Variants in NBPF14 observed in about 807,000 individuals in gnomAD.
NBPF14 encodes the protein NBPF member 14.
A neutral mutation model predicts 91.2 loss-of-function variants in NBPF14; 104 were observed. That is an observed-to-expected ratio of 1.14 (90% CI 0.97 to 1.34). NBPF14 has a LOEUF of 1.34. Ranked by LOEUF, NBPF14 falls within the 40% of genes most tolerant of loss-of-function variation. NBPF14 has a pLI of 0.00. For missense variants in NBPF14, 908 were observed against 783.0 expected (o/e 1.16, Z -1.91); for synonymous variants, 294 against 303.8 (o/e 0.97, Z 0.34).
chr1:148,577,633 A>T (rs1429668029), intron 14 of NBPF14, among the ~76,000 whole-genome samples: 1 of 149,700 alleles, frequency 6.7e-6, no homozygotes, highest in East Asian at 2.0e-4. Context: ...CTGATGAGGG[A>T]GTCAAAGGAC....
intron 34 of NBPF14, among the ~76,000 whole-genome samples, chr1:148,561,816 C>CAGAGAGAG (rs1256585009): frequency 7.7e-6 from 1 of 129,792 alleles, no homozygotes; most frequent in African/African-American, 3.7e-5. Flanking sequence ...CACACACACA[C>CAGAGAGAG]ACAGAGAGAG....
chr1:148,566,517 A>T, intron 28 of NBPF14, among the ~76,000 whole-genome samples: 1 of 128,652 alleles, frequency 7.8e-6, no homozygotes, highest in South Asian at 2.4e-4. Flanking sequence ...AGACACACAC[A>T]CACACACACA....
In NBPF14 at chr1:148,592,771, G is replaced by A. The variant is rs1479698944; in HGVS notation, c.279-5C>T. The A allele has an allele frequency of 6.4e-7, 1 of 1,569,576 alleles. No homozygotes were observed. The highest frequency in any genetic ancestry group is 1.4e-5 in the African/African-American group (1 of 72,500). On this transcript the variant is annotated splice_polypyrimidine_tract_variant and splice_region_variant and intron_variant, in intron 3 of 70. Transcript: ENST00000619423. The stretch of plus-strand genomic sequence containing the variant: ...TGAACCAGGACTTTATATTGCCTAA[G>A]GTGAGACGGTAGAGAAAATTTAAGA...
chr1:148,571,228 C>A (rs1291779257), intron 22 of NBPF14, among the ~76,000 whole-genome samples, 191 bp from the exon 23 acceptor site: 3 of 74,804 alleles, frequency 4.0e-5, no homozygotes, highest in Non-Finnish European at 6.9e-5. Context: ...AAGAGAAAGA[C>A]AGATAGACAC....
chr1:148,568,992 AC>A, intron 25 of NBPF14, among the ~76,000 whole-genome samples: 1 of 139,844 alleles, frequency 7.2e-6, no homozygotes, highest in African/African-American at 2.6e-5. Context: ...TGAATTTGTC[AC>A]ATCTGCCCAG....
At chr1:148,579,797 CCT>C (rs1311532366) in intron 12 of NBPF14, among the ~76,000 whole-genome samples, 2 of 152,124 alleles carry the variant, frequency 1.3e-5, no homozygotes, top group Non-Finnish European at 2.9e-5. Flanking sequence ...CCAAGAAATC[CCT>C]GTTTGAGGGT....
chr1:148,578,234 C>T (rs1660327074), intron 13 of NBPF14, among the ~76,000 whole-genome samples, 200 bp from the exon 14 acceptor site: 3 of 151,354 alleles, frequency 2.0e-5, no homozygotes, highest in South Asian at 2.1e-4. Flanking sequence ...GGCAAAATTC[C>T]CCTGTGTTGG....
Position 148,566,430 on chromosome 1 carries a change from C to T in NBPF14, c.3543-115G>A, listed in dbSNP as rs1280567636. On this transcript the variant is annotated intron_variant, in intron 28 of 70. Transcript: ENST00000619423. ...GGTTAAAAAACTAAAAGGATAGATC[C>T]ATTAATGAGGTAACAAATTGTTGCC... 25 of 601,960 alleles carry T rather than the reference C, an allele frequency of 4.2e-5. 3 individuals carry two copies. The South Asian group carries it at 4.8e-4, about 12-fold the overall frequency. 37.3% of individuals were successfully genotyped at this position (601,960 alleles called of 1,614,324 possible).
intron 21 of NBPF14, 39 bp downstream of exon 21, chr1:148,572,404 C>A (rs1659242957): frequency 1.2e-5 from 5 of 424,086 alleles, no homozygotes; most frequent in African/African-American, 6.7e-5. Flanking sequence ...ATCTGGAAGA[C>A]CAGGTGGAGG....
intron 12 of NBPF14, among the ~76,000 whole-genome samples, chr1:148,580,038 TCTC>T: frequency 6.6e-6 from 1 of 151,442 alleles, no homozygotes; most frequent in Non-Finnish European, 1.5e-5. Flanking sequence ...TGACATCCCT[TCTC>T]CTCCAAAGGA....
At chr1:148,534,563 C>A (rs373439052) in intron 69 of NBPF14, 121 bp downstream of exon 69, 4 of 755,446 alleles carry the variant, frequency 5.3e-6, no homozygotes, top group Admixed American at 1.9e-5. Context: ...CTATATGCGC[C>A]CATAGGTCCT....
chr1:148,534,646 C>G (rs1321537481), intron 69 of NBPF14, 38 bp downstream of exon 69: 6 of 863,292 alleles, frequency 7.0e-6, no homozygotes, highest in African/African-American at 3.4e-5. Flanking sequence ...TCTGGAAGAC[C>G]AGGTGGAGGC....
At chr1:148,561,798 CA>C (rs1657804002) in intron 34 of NBPF14, among the ~76,000 whole-genome samples, 1 of 96,876 alleles carries the variant, frequency 1.0e-5, no homozygotes, top group Non-Finnish European at 2.3e-5. Flanking sequence ...CACACACACA[CA>C]CAAACACACA....
At chr1:148,566,286 T>TCTA (rs1369708533) in exon 29 of NBPF14, 1 of 677,500 alleles carries the variant, frequency 1.5e-6, no homozygotes, top group Non-Finnish European at 2.6e-6. Context: ...GACTTCAGGC[T>TCTA]CTACTACCTC....
chr1:148,533,734 C>G, intron 70 of NBPF14, 127 bp downstream of exon 70: 1 of 744,632 alleles, frequency 1.3e-6, no homozygotes, highest in Non-Finnish European at 2.4e-6. Flanking sequence ...TGAAAACCAA[C>G]AGCAATGACA....
At chr1:148,560,084 A>C (rs1657468650) in intron 36 of NBPF14, 119 bp from the exon 37 acceptor site, 1 of 678,072 alleles carries the variant, frequency 1.5e-6, no homozygotes, top group Non-Finnish European at 2.7e-6. Context: ...AGATCCATTA[A>C]TGAGGTAACA....
chr1:148,560,625 T>A, exon 36 of NBPF14: 1 of 191,854 alleles, frequency 5.2e-6, no homozygotes, highest in South Asian at 3.3e-5. Flanking sequence ...CTTCTTTTCT[T>A]CCCCTTCTTC....
chr1:148,577,802 G>C (rs1289859972), intron 14 of NBPF14, among the ~76,000 whole-genome samples, 181 bp downstream of exon 14: 1 of 137,778 alleles, frequency 7.3e-6, no homozygotes, highest in African/African-American at 2.9e-5. Context: ...AAATGATAAG[G>C]GTAGGAAGAA....
intron 7 of NBPF14, 40 bp from the exon 8 acceptor site, chr1:148,587,443 G>C (rs1322823679): frequency 4.5e-6 from 7 of 1,544,338 alleles, no homozygotes; most frequent in Middle Eastern, 2.4e-4. Flanking sequence ...TGGAAGGCTG[G>C]ACATGCTGCT....
Sources: gnomAD v4.1 joint callset for allele counts (sites outside exome capture counted in the v4.1 genomes callset) on GRCh38, gnomAD v4.1.1 for gene constraint, MANE v1.5 for transcripts, NCBI Gene and HGNC (gene_info 2026-07-23, HGNC 2026-07-21) for gene names.